Variants in MAX observed in about 807,000 individuals in gnomAD.
MAX encodes the protein protein max.
MAX carries 3 observed loss-of-function variants against 22.3 expected under a neutral mutation model. The ratio of observed to expected loss-of-function variants is 0.13; its 90% CI spans 0.06 to 0.35. The LOEUF (loss-of-function observed/expected upper bound fraction) is 0.35. MAX is among the 10% of genes least tolerant of loss of function. The probability of loss-of-function intolerance (pLI) is 1.00; values close to 1 mark genes in which losing one functional copy is unlikely to be tolerated. For missense variants in MAX, 119 were observed against 209.4 expected (o/e 0.57, Z 2.66); for synonymous variants, 72 against 77.7 (o/e 0.93, Z 0.39).
rs1211525151 is a variant in MAX at position 65,007,418 on chromosome 14, A to G, written c.172-1134T>C. ...ATGGGACAGACTCACACACATGCCC[A>G]GGACCACAGACCACGCACAGGTCCA... On this transcript the variant is annotated intron_variant, in intron 3 of 3. Coordinates refer to the MAX transcript ENST00000341653. This position sits in a 1 kb window ranked among gnomAD's most constrained non-coding sequence, Gnocchi z 4.9. Among the ~76,000 whole-genome samples, 2 of 152,234 alleles carry G rather than the reference A, an allele frequency of 1.3e-5. No individual in the cohort carries two copies. The highest frequency in any genetic ancestry group is 2.4e-5 in the African/African-American group (1 of 41,456).
Position 65,082,425 on chromosome 14 carries a change from G to C in MAX, c.172-4389C>G, listed in dbSNP as rs2063221387. 6.6e-6 allele frequency: 1 copy of C among 152,228 alleles called. No individual in the cohort carries two copies. The highest frequency in any genetic ancestry group is 2.1e-4 in the South Asian group (1 of 4,832). The allele number at this position is 152,228 out of a possible 1,614,324, so 9.4% of individuals were successfully genotyped here. On this transcript the variant is annotated intron_variant, in intron 3 of 4. Transcript: ENST00000358664. The surrounding 1 kb of genome is among the most constrained non-coding windows in gnomAD (Gnocchi z 4.8). ...CGGTAACAGGCATAAGAATTGAGTTGCAAGTGAGGCAATGATGAAGACTAG... is the reference window on the plus strand; with the variant it reads ...CGGTAACAGGCATAAGAATTGAGTTCCAAGTGAGGCAATGATGAAGACTAG...
chr14:65,025,827 CAAA>C (rs1346800842), intron 3 of MAX, among the ~76,000 whole-genome samples: 1 of 152,096 alleles, frequency 6.6e-6, no homozygotes, highest in Non-Finnish European at 1.5e-5. Flanking sequence ...AAATCAAAAA[CAAA>C]AACCATAGTG....
Position 65,047,978 on chromosome 14 carries a change from ATTTTTTTTTTTTTT to A in MAX, c.172-41708_172-41695del, listed in dbSNP as rs34879850. On this transcript the variant is annotated intron_variant, in intron 3 of 3. Transcript: ENST00000341653. This position sits in a 1 kb window ranked among gnomAD's most constrained non-coding sequence, Gnocchi z 5.2. ...AGACAGAAGGAGGGAGACTTTTTAG[ATTTTTTTTTTTTTT>A]TTTTTTTTTTTTTGAGACAGAGTCT... Among the ~76,000 whole-genome samples the A allele has an allele frequency of 3.1e-5, 2 of 64,126 alleles. No individual in the cohort carries two copies. Among genetic ancestry groups the A allele is most frequent in the Non-Finnish European group, 2.7e-5 (1 of 36,396 alleles). The allele number at this position is 64,126 out of a possible 152,430, so 42.1% of individuals were successfully genotyped here.
At chr14:65,071,712 A>T (rs2139721413), downstream of MAX, among the ~76,000 whole-genome samples, 1 of 152,308 alleles carries the variant, frequency 6.6e-6, no homozygotes, top group African/African-American at 2.4e-5. The surrounding 1 kb of genome is among the most constrained non-coding windows in gnomAD (Gnocchi z 4.2). Context: ...CCCTAGCCCT[A>T]CCCGCTCTGG....
At chr14:65,006,182 T>A in exon 4 of MAX, 1 of 1,608,440 alleles carries the variant, frequency 6.2e-7, no homozygotes, top group Non-Finnish European at 8.5e-7. Flanking sequence ...TTGCCACCAT[T>A]TCCTTAAGAA....
In MAX at chr14:65,054,474, G is replaced by C. The variant is rs934403610; in HGVS notation, c.171+39234C>G. 4.2e-6 allele frequency: 5 copies of C among 1,184,614 alleles called. No homozygotes were observed. The highest frequency in any genetic ancestry group is 4.2e-5 in the Admixed American group (2 of 47,736). The allele number at this position is 1,184,614 out of a possible 1,614,324, so 73.4% of individuals were successfully genotyped here. ...CCTCTAGCCACATGGAGGATGGGGG[G>C]GGACGTGTGATTGCACCAGTGGTCT... On this transcript the variant is annotated intron_variant, in intron 3 of 3. Coordinates refer to the MAX transcript ENST00000341653. This position sits in a 1 kb window ranked among gnomAD's most constrained non-coding sequence, Gnocchi z 4.4.
intron 3 of MAX, chr14:65,015,591 A>G: frequency 6.2e-7 from 1 of 1,611,698 alleles, no homozygotes; most frequent in Non-Finnish European, 8.5e-7. Flanking sequence ...GTGATTGTGA[A>G]TAAGGGATGT....
chr14:65,034,590 A>G (rs2062150363), intron 3 of MAX, among the ~76,000 whole-genome samples: 2 of 152,192 alleles, frequency 1.3e-5, no homozygotes, highest in South Asian at 2.1e-4. Context: ...GTCATGCTCA[A>G]TGGTAAGGCA....
chr14:65,099,784 T>C (rs1360096109), intron 2 of MAX, among the ~76,000 whole-genome samples: 5 of 152,190 alleles, frequency 3.3e-5, no homozygotes, highest in Non-Finnish European at 1.5e-5. Context: ...TTCAAATATA[T>C]GCATAAGTAT....
At chr14:65,015,761 T>C (rs1363773801) in intron 3 of MAX, 1 of 1,593,068 alleles carries the variant, frequency 6.3e-7, no homozygotes, top group East Asian at 2.2e-5. Flanking sequence ...TGAAATTGTA[T>C]TTTGAGTTTG....
chr14:65,097,696 A>G (rs2063710550), intron 2 of MAX, among the ~76,000 whole-genome samples: 1 of 152,256 alleles, frequency 6.6e-6, no homozygotes, highest in East Asian at 1.9e-4. Flanking sequence ...ACACAGACCC[A>G]AAAATCTCAT....
Position 65,032,846 on chromosome 14 carries a change from C to A in MAX, c.172-26562G>T. 1.6e-6 allele frequency: 1 copy of A among 620,530 alleles called. No homozygotes were observed. Among genetic ancestry groups the A allele is most frequent in the South Asian group, 3.4e-5 (1 of 29,148 alleles). The allele number at this position is 620,530 out of a possible 1,614,324, so 38.4% of individuals were successfully genotyped here. On this transcript the variant is annotated intron_variant, in intron 3 of 3. Coordinates refer to the MAX transcript ENST00000341653. The surrounding 1 kb of genome is among the most constrained non-coding windows in gnomAD (Gnocchi z 5.0). ...GGTTATCTAATGATTTTTTTAAATA[C>A]TTAAAATGTCTTCTTTTTTCCAAAC...
rs150506672 is a variant in MAX, at chr14:65,083,912, G to A, written c.172-5876C>T. 1.2e-3 allele frequency: 1,497 copies of A among 1,277,792 alleles called. 18 individuals carry two copies. In the African/African-American group the frequency reaches 0.018, roughly 15 times the overall value. 79.2% of individuals were successfully genotyped at this position (1,277,792 alleles called of 1,614,324 possible). A position where few individuals can be genotyped will look rare whatever the true frequency, so the allele number is the denominator to read the frequency against. On this transcript the variant is annotated intron_variant, in intron 3 of 4. Coordinates refer to ENST00000358664, the MANE Select transcript of MAX (RefSeq NM_002382.5). ...TAAGCCATCTTTTGAAAACCAAAACGAAAGAATATGCACAATAAATTTGGA... is the reference window on the plus strand; with the variant it reads ...TAAGCCATCTTTTGAAAACCAAAACAAAAGAATATGCACAATAAATTTGGA...
In MAX at chr14:65,078,932, T is replaced by C. The variant is rs1318829407; in HGVS notation, c.172-896A>G. ...ACTAAGAACCCAAGGATCAGAGAAG[T>C]ACACCGCTTTATTCAAAATCACCAG... On this transcript the variant is annotated intron_variant, in intron 3 of 4. Transcript: ENST00000358664. The surrounding 1 kb of genome is among the most constrained non-coding windows in gnomAD (Gnocchi z 6.4). Among the ~76,000 whole-genome samples the C allele has an allele frequency of 2.0e-5, 3 of 152,206 alleles. No individual in the cohort carries two copies. The highest frequency in any genetic ancestry group is 7.2e-5 in the African/African-American group (3 of 41,454).
At chr14:65,059,835 T>TCC (rs1401599922) in intron 3 of MAX, among the ~76,000 whole-genome samples, 1 of 131,760 alleles carries the variant, frequency 7.6e-6, no homozygotes, top group African/African-American at 3.8e-5. Flanking sequence ...TGGTCCTTTT[T>TCC]TCTTTTTTTT....
At chr14:65,066,843 CA>C (rs2062935187) in intron 3 of MAX, among the ~76,000 whole-genome samples, 1 of 98,142 alleles carries the variant, frequency 1.0e-5, no homozygotes, top group African/African-American at 4.2e-5. Context: ...GCCTTGGCAA[CA>C]AGAGTGAAAT....
At chr14:65,087,466 C>T (rs1401111625) in intron 3 of MAX, among the ~76,000 whole-genome samples, 1 of 152,208 alleles carries the variant, frequency 6.6e-6, no homozygotes, top group Non-Finnish European at 1.5e-5. Flanking sequence ...ACCAAAGGAA[C>T]CCACCTTTTG....
intron 3 of MAX, chr14:65,022,108 T>C: frequency 2.2e-6 from 1 of 455,774 alleles, no homozygotes; most frequent in Admixed American, 2.3e-5. Context: ...TCCATTGTCA[T>C]ATTCTACCTA....
intron 3 of MAX, chr14:65,021,967 T>G: frequency 2.2e-6 from 1 of 456,072 alleles, no homozygotes; most frequent in Non-Finnish European, 4.4e-6. Context: ...ACTTTCGACC[T>G]GACCATTCTT....
Sources: gnomAD v4.1 joint callset for allele counts (sites outside exome capture counted in the v4.1 genomes callset) on GRCh38, gnomAD v4.1.1 for gene constraint, Gnocchi (gnomAD v3.1) non-coding constraint, MANE v1.5 for transcripts, NCBI Gene and HGNC (gene_info 2026-07-23, HGNC 2026-07-21) for gene names.